Variants in SEMA3E observed in about 807,000 individuals in gnomAD.
SEMA3E encodes the protein semaphorin-3E.
A neutral mutation model predicts 93.6 loss-of-function variants in SEMA3E; 49 were observed. The observed-to-expected ratio is 0.52, with a 90% CI of 0.42 to 0.66. The LOEUF is 0.66. Ranked by LOEUF, SEMA3E falls within the 30% of genes least tolerant of loss-of-function variation. The pLI is 0.00. For synonymous variants in SEMA3E, 363 were observed against 330.7 expected, an observed-to-expected ratio of 1.10 and a Z score of -1.06; for missense variants, 906 against 964.8, an observed-to-expected ratio of 0.94 and a Z score of 0.81.
chr7:83,549,158 A>G (rs1791710384), intron 1 of SEMA3E, among the ~76,000 whole-genome samples: 1 of 152,180 alleles, frequency 6.6e-6, no homozygotes, highest in Admixed American at 6.6e-5. Context: ...TCAATTTTTG[A>G]GTTATATGGA....
At chr7:83,527,624 T>G (rs1270334394) in intron 1 of SEMA3E, among the ~76,000 whole-genome samples, 2 of 152,180 alleles carry the variant, frequency 1.3e-5, no homozygotes, top group Non-Finnish European at 2.9e-5. Context: ...AAGCTGTAAG[T>G]GCAGATCAGC....
In SEMA3E at chr7:83,368,031, G is replaced by A; in HGVS notation, c.1883C>T (p.Thr628Ile). ...GRETRKEEVK[T>I]DDRVVKMDLG... The stretch of plus-strand genomic sequence containing the variant: ...GTCCATCTTAACCACTCTGTCATCT[G>A]TCTTCACCTGCAAAAACAAAAAAGT... Residue 628 changes from threonine (T) to isoleucine (I), a missense_variant, in exon 17 of 17, where the codon ACA becomes ATA. By Grantham distance (89) the Thr-to-Ile change is moderately conservative. Coordinates refer to ENST00000643230, the MANE Select transcript of SEMA3E (RefSeq NM_012431.3). The A allele has an allele frequency of 1.2e-6, 2 of 1,613,780 alleles. No individual in the cohort carries two copies. Among genetic ancestry groups the A allele is most frequent in the South Asian group, 1.1e-5 (1 of 91,082 alleles).
chr7:83,498,580 C>A (rs532644885), intron 1 of SEMA3E, among the ~76,000 whole-genome samples: 41 of 151,838 alleles, frequency 2.7e-4, no homozygotes, highest in African/African-American at 9.7e-4. Context: ...TGGGTTCAAG[C>A]GATTCTCTTG....
At chr7:83,604,542 A>G (rs1793066564) in intron 1 of SEMA3E, among the ~76,000 whole-genome samples, 1 of 150,616 alleles carries the variant, frequency 6.6e-6, no homozygotes, top group Non-Finnish European at 1.5e-5. Flanking sequence ...ATATATATAT[A>G]TGTACATACA....
chr7:83,463,313 G>A lies in SEMA3E; in HGVS notation c.456+3169C>T, dbSNP rs962730942. ...CCTAGCCATCATGTCTGGGTGCAGC[G>A]GCTGCCGCTGCTTTAATACTTTTAG... On this transcript the variant is annotated intron_variant, in intron 4 of 16. Transcript: ENST00000643230. Among the ~76,000 whole-genome samples, 1,007 of 151,202 alleles carry A rather than the reference G, an allele frequency of 6.7e-3. 17 individuals are homozygous for A. Among genetic ancestry groups the A allele is most frequent in the African/African-American group, 0.023 (941 of 41,044 alleles).
chr7:83,599,477 A>C (rs10246409), intron 1 of SEMA3E, among the ~76,000 whole-genome samples: 6,961 of 152,248 alleles, frequency 0.046, 522 homozygotes, highest in African/African-American at 0.16. Flanking sequence ...TTTTGCTCCA[A>C]AGTTGACTTG....
chr7:83,513,767 TAATA>T (rs1185795035), intron 1 of SEMA3E, among the ~76,000 whole-genome samples: 2 of 152,166 alleles, frequency 1.3e-5, no homozygotes, highest in African/African-American at 4.8e-5. Flanking sequence ...TTTCAAATAT[TAATA>T]AATTATATAT....
chr7:83,562,473 T>TTTAC (rs1792050594), intron 1 of SEMA3E, among the ~76,000 whole-genome samples: 1 of 142,968 alleles, frequency 7.0e-6, no homozygotes, highest in Non-Finnish European at 1.5e-5. Flanking sequence ...TTTTTATTTA[T>TTTAC]TTATTTATTT....
intron 2 of SEMA3E, among the ~76,000 whole-genome samples, chr7:83,484,395 T>C (rs1790210951): frequency 6.6e-6 from 1 of 152,214 alleles, no homozygotes; most frequent in African/African-American, 2.4e-5. Context: ...GAATATGTTT[T>C]CACCTAGCTT....
At chr7:83,371,211 A>G (rs1481079138) in intron 16 of SEMA3E, among the ~76,000 whole-genome samples, 1 of 152,236 alleles carries the variant, frequency 6.6e-6, no homozygotes, top group African/African-American at 2.4e-5. Context: ...TTTCAAAGCC[A>G]TGTTCCCAAA....
At chr7:83,534,010 A>C (rs915191199) in intron 1 of SEMA3E, among the ~76,000 whole-genome samples, 7 of 152,200 alleles carry the variant, frequency 4.6e-5, no homozygotes, top group African/African-American at 1.7e-4. Context: ...ATAGCATATC[A>C]TATGGGAAGA....
chr7:83,600,844 C>A (rs896525483), intron 1 of SEMA3E, among the ~76,000 whole-genome samples: 1 of 152,130 alleles, frequency 6.6e-6, no homozygotes, highest in Non-Finnish European at 1.5e-5. Flanking sequence ...TTAGACTAGA[C>A]TCTAGAGAGT....
At chr7:83,429,856 C>T (rs1242907847) in intron 4 of SEMA3E, among the ~76,000 whole-genome samples, 1 of 152,054 alleles carries the variant, frequency 6.6e-6, no homozygotes, top group Non-Finnish European at 1.5e-5. Flanking sequence ...TTAACTCCTA[C>T]TTATCCAAAA....
At chr7:83,605,940 T>C (rs905281335) in intron 1 of SEMA3E, among the ~76,000 whole-genome samples, 2 of 152,320 alleles carry the variant, frequency 1.3e-5, no homozygotes, top group Non-Finnish European at 2.9e-5. Flanking sequence ...GTGCAGAAGA[T>C]CTTTATCTTA....
intron 2 of SEMA3E, among the ~76,000 whole-genome samples, chr7:83,483,792 G>A (rs977866806): frequency 1.3e-5 from 2 of 152,146 alleles, no homozygotes; most frequent in African/African-American, 4.8e-5. Flanking sequence ...ATGGGAGGGT[G>A]AGGATCAACA....
At chr7:83,495,276 A>C (rs1326510733) in intron 1 of SEMA3E, among the ~76,000 whole-genome samples, 2 of 151,834 alleles carry the variant, frequency 1.3e-5, no homozygotes, top group African/African-American at 4.8e-5. Flanking sequence ...TCATTAATTG[A>C]TCTTAAGTCA....
chr7:83,606,452 G>A (rs1030098143), intron 1 of SEMA3E, among the ~76,000 whole-genome samples: 1 of 151,002 alleles, frequency 6.6e-6, no homozygotes, highest in African/African-American at 2.4e-5. Flanking sequence ...ATGAGTTCAT[G>A]TCCTTTGTAG....
chr7:83,634,228 T>C (rs1173815235), intron 1 of SEMA3E, among the ~76,000 whole-genome samples: 1 of 152,216 alleles, frequency 6.6e-6, no homozygotes. Context: ...TTGTATTTTA[T>C]GTCCCTTGAG....
chr7:83,420,744 T>C (rs1377027125), intron 4 of SEMA3E, among the ~76,000 whole-genome samples: 2 of 152,138 alleles, frequency 1.3e-5, no homozygotes, highest in African/African-American at 4.8e-5. Context: ...TATTCAATAA[T>C]TGGCACTGGG....
Sources: allele counts gnomAD v4.1 joint callset (sites outside exome capture counted in the v4.1 genomes callset), GRCh38; gene constraint gnomAD v4.1.1; transcripts MANE v1.5; gene names NCBI Gene and HGNC (gene_info 2026-07-23, HGNC 2026-07-21).